The following PDE4D variants were observed in gnomAD, a reference collection of about 807,000 sequenced individuals.
PDE4D encodes the protein 3',5'-cyclic-AMP phosphodiesterase 4D.
A neutral mutation model predicts 87.4 loss-of-function variants in PDE4D; 24 were observed. The ratio of observed to expected loss-of-function variants is 0.27; its 90% confidence interval spans 0.20 to 0.39. PDE4D has a LOEUF of 0.39. Ranked by LOEUF, PDE4D falls within the 10% of genes least tolerant of loss-of-function variation. PDE4D has a pLI of 1.00. For synonymous variants in PDE4D, 384 were observed against 383.2 expected (o/e 1.00, Z -0.02); for missense variants, 714 against 1,041.0 (o/e 0.69, Z 4.32).
intron 2 of PDE4D, among the ~76,000 whole-genome samples, chr5:60,172,739 T>C (rs1783582047): frequency 6.6e-6 from 1 of 152,130 alleles, no homozygotes; most frequent in South Asian, 2.1e-4. Context: ...GTAGTCCCTC[T>C]TCCTAAGCCC....
At position 59,427,292 on chromosome 5, in the gene PDE4D, T is replaced by TACACACACACACAC. The variant is rs60646746; in HGVS notation, c.456-211338_456-211325dup. Reference sequence around the variant, plus strand: ...TGTGGCATACAGGGAAGTGATTTTATACACACACACACACACACACACACA... The same window carrying TACACACACACACAC: ...TGTGGCATACAGGGAAGTGATTTTATACACACACACACACACACACACACACACACACACACACA... On this transcript the variant is annotated intron_variant, in intron 1 of 14. Transcript: ENST00000340635. 1.5e-3 allele frequency among the ~76,000 whole-genome samples: 195 copies of TACACACACACACAC among 132,356 alleles called. 3 individuals are homozygous for TACACACACACACAC. The highest frequency in any genetic ancestry group is 2.6e-3 in the South Asian group (10 of 3,790). The allele number at this position is 132,356 out of a possible 152,430, so 86.8% of individuals were successfully genotyped here.
At chr5:59,839,849 A>C (rs570835467) in intron 1 of PDE4D, among the ~76,000 whole-genome samples, 1 of 152,206 alleles carries the variant, frequency 6.6e-6, no homozygotes, top group East Asian at 1.9e-4. Flanking sequence ...TACAGTGCCC[A>C]CTACAAGGAG....
intron 5 of PDE4D, among the ~76,000 whole-genome samples, chr5:59,053,658 G>GTTTTTTTTTTTTTTTT (rs1420455755): frequency 1.2e-5 from 1 of 81,060 alleles, no homozygotes; most frequent in African/African-American, 5.3e-5. Flanking sequence ...TTTTTTTGTT[G>GTTTTTTTTTTTTTTTT]TTGTTTTTTT....
intron 1 of PDE4D, among the ~76,000 whole-genome samples, chr5:60,245,186 A>T (rs1030808227): frequency 1.3e-5 from 2 of 151,962 alleles, no homozygotes; most frequent in African/African-American, 4.8e-5. Flanking sequence ...GATATATGAA[A>T]AGGTGCTCAA....
chr5:59,316,821 G>A (rs1246963106), intron 1 of PDE4D, among the ~76,000 whole-genome samples: 2 of 152,138 alleles, frequency 1.3e-5, no homozygotes, highest in East Asian at 1.9e-4. Flanking sequence ...TAATAACCAC[G>A]GGACACCTGC....
intron 1 of PDE4D, among the ~76,000 whole-genome samples, chr5:59,381,852 T>G (rs1326765727): frequency 2.0e-5 from 3 of 152,168 alleles, no homozygotes; most frequent in Admixed American, 6.5e-5. Context: ...ACAGCCATTT[T>G]TTTTATTCAA....
At chr5:60,271,785 A>G (rs1750839145) in intron 1 of PDE4D, among the ~76,000 whole-genome samples, 1 of 152,246 alleles carries the variant, frequency 6.6e-6, no homozygotes, top group South Asian at 2.1e-4. Context: ...ACTTTTCCAT[A>G]TAAAGTAAAA....
rs2153701676 is a variant in PDE4D at position 59,585,905 on chromosome 5, AG to A, written c.455+307262del. ...ATTTTAAAATTGAGTCAACATTCTAAGTTTCCCTTAACCTTCTTTTAGAAAT... is the reference window on the plus strand; with the variant it reads ...ATTTTAAAATTGAGTCAACATTCTAATTTCCCTTAACCTTCTTTTAGAAAT... On this transcript the variant is annotated intron_variant, in intron 1 of 14. Transcript: ENST00000340635. Among the ~76,000 whole-genome samples the A allele has an allele frequency of 1.3e-5, 2 of 152,350 alleles. 1 individual carries two copies. The highest frequency in any genetic ancestry group is 4.1e-4 in the South Asian group (2 of 4,834).
At chr5:60,129,510 C>T (rs1212748040) in intron 2 of PDE4D, among the ~76,000 whole-genome samples, 2 of 152,174 alleles carry the variant, frequency 1.3e-5, no homozygotes, top group Non-Finnish European at 2.9e-5. Context: ...TTTTAGCTCT[C>T]TCCCAGGTAG....
chr5:59,009,494 G>C (rs1752332105), intron 6 of PDE4D, among the ~76,000 whole-genome samples: 1 of 152,110 alleles, frequency 6.6e-6, no homozygotes, highest in Non-Finnish European at 1.5e-5. Context: ...AGTATTGTAA[G>C]TGAAAGAAGC....
At chr5:59,306,467 T>G (rs1771393102) in intron 1 of PDE4D, among the ~76,000 whole-genome samples, 1 of 152,172 alleles carries the variant, frequency 6.6e-6, no homozygotes, top group Non-Finnish European at 1.5e-5. Flanking sequence ...TTGTTTTGTT[T>G]TCGCTTTTTA....
intron 5 of PDE4D, among the ~76,000 whole-genome samples, chr5:59,053,280 C>T (rs1204105422): frequency 6.6e-6 from 1 of 151,696 alleles, no homozygotes; most frequent in Non-Finnish European, 1.5e-5. Context: ...CAGCTTTGCA[C>T]TTAAATGACA....
chr5:59,404,309 A>T (rs905027016), intron 1 of PDE4D, among the ~76,000 whole-genome samples: 8 of 152,138 alleles, frequency 5.3e-5, no homozygotes, highest in Non-Finnish European at 7.4e-5. Context: ...ACTTGATGTG[A>T]TCCCATTTGT....
chr5:59,203,981 C>A (rs552515163), intron 2 of PDE4D, among the ~76,000 whole-genome samples: 5 of 152,086 alleles, frequency 3.3e-5, no homozygotes, highest in South Asian at 4.1e-4. Context: ...GCATAGTATA[C>A]CTGAAAATTG....
chr5:60,060,050 C>A (rs1202025396), intron 2 of PDE4D, among the ~76,000 whole-genome samples: 1 of 151,772 alleles, frequency 6.6e-6, no homozygotes, highest in East Asian at 1.9e-4. Context: ...CCAAGATACA[C>A]AAATAAAGAT....
In PDE4D at chr5:59,137,758, C is replaced by A. The variant is rs544144551; in HGVS notation, c.808+42837G>T. On this transcript the variant is annotated intron_variant, in intron 5 of 14. Transcript: ENST00000340635. ...AACCAGGATGGTCTGGATCTCCTGA[C>A]TTCTTGATCTGCCTGCCTCGGCCTC... is the stretch of plus-strand genomic sequence containing the variant. 5.3e-5 allele frequency among the ~76,000 whole-genome samples: 8 copies of A among 152,308 alleles called. No homozygotes were observed. In the South Asian group the frequency reaches 1.7e-3, roughly 32 times the overall value.
chr5:59,413,457 CAAA>C lies in PDE4D; in HGVS notation c.456-197492_456-197490del, dbSNP rs34074485. 4.4e-3 allele frequency among the ~76,000 whole-genome samples: 240 copies of C among 54,404 alleles called. 4 individuals carry two copies. Among genetic ancestry groups the C allele is most frequent in the African/African-American group, 0.019 (228 of 12,006 alleles). The allele number at this position is 54,404 out of a possible 152,430, so 35.7% of individuals were successfully genotyped here. ...TGGGTGACTGAGTGAGACTCCATCT[CAAA>C]AAAAAAAAAAAAAAAAAAAAAGAAA... On this transcript the variant is annotated intron_variant, in intron 1 of 14. Transcript: ENST00000340635.
intron 1 of PDE4D, among the ~76,000 whole-genome samples, chr5:59,815,523 T>C (rs2938784): frequency 0.68 from 102,968 of 152,056 alleles, 36,299 homozygotes; most frequent in African/African-American, 0.87. Flanking sequence ...TCAGTGTTTT[T>C]AGTTCTCAAG....
intron 2 of PDE4D, among the ~76,000 whole-genome samples, chr5:59,996,674 TG>T (rs1297369834): frequency 6.6e-6 from 1 of 152,178 alleles, no homozygotes; most frequent in Non-Finnish European, 1.5e-5. Context: ...ATGCTATTAT[TG>T]CCCAAATAAC....
Sources: allele counts gnomAD v4.1 joint callset (sites outside exome capture counted in the v4.1 genomes callset), GRCh38; gene constraint gnomAD v4.1.1; transcripts MANE v1.5; gene names NCBI Gene and HGNC (gene_info 2026-07-23, HGNC 2026-07-21).